SSBP2: variants seen among roughly 807,000 people sequenced by gnomAD.
SSBP2 encodes the protein single-stranded DNA-binding protein 2.
Under a neutral mutation model 61.8 loss-of-function variants are expected in SSBP2, and 17 were observed. The observed-to-expected ratio is 0.28, with a 90% CI of 0.19 to 0.41. The LOEUF (loss-of-function observed/expected upper bound fraction) is 0.41, where lower values mean the gene tolerates loss of function less well. Among genes scored for constraint, SSBP2 ranks in the 10% least tolerant of loss-of-function variants. SSBP2 has a pLI of 1.00. For synonymous variants in SSBP2, 139 were observed against 141.3 expected, an observed-to-expected ratio of 0.98 and a Z score of 0.12; for missense variants, 310 against 458.7, an observed-to-expected ratio of 0.68 and a Z score of 2.96.
chr5:81,667,330 C>CACAA (rs1751229307), intron 1 of SSBP2, among the ~76,000 whole-genome samples: 1 of 150,158 alleles, frequency 6.7e-6, no homozygotes, highest in African/African-American at 2.5e-5. Context: ...CACACACACA[C>CACAA]ACGCTCCAAC....
intron 4 of SSBP2, among the ~76,000 whole-genome samples, chr5:81,599,473 G>A (rs1174186393): frequency 6.6e-6 from 1 of 152,200 alleles, no homozygotes; most frequent in East Asian, 1.9e-4. Context: ...ATTCCTTGCA[G>A]CAATTTGCTT....
chr5:81,650,002 CTTGA>C (rs1178058307), intron 2 of SSBP2, among the ~76,000 whole-genome samples: 1 of 151,864 alleles, frequency 6.6e-6, no homozygotes, highest in African/African-American at 2.4e-5. Flanking sequence ...AATTTGCTTT[CTTGA>C]TTATTGTTGC....
chr5:81,414,264 T>C lies in SSBP2; in HGVS notation c.*6240A>G, dbSNP rs1761229423. ...TCCCACTTTAAAATTTTAATATCTATATATAGTACTGTATTTAATTTTTAA... is the reference window on the plus strand; with the variant it reads ...TCCCACTTTAAAATTTTAATATCTACATATAGTACTGTATTTAATTTTTAA... On this transcript the variant is annotated 3_prime_UTR_variant, in exon 17 of 17. Transcript: ENST00000320672. 6.6e-6 allele frequency: 1 copy of C among 152,112 alleles called. No individual in the cohort carries two copies. Among genetic ancestry groups the C allele is most frequent in the Non-Finnish European group, 1.5e-5 (1 of 68,004 alleles). 9.4% of individuals were successfully genotyped at this position (152,112 alleles called of 1,614,324 possible).
chr5:81,702,165 G>T (rs1029450315), intron 1 of SSBP2, among the ~76,000 whole-genome samples: 2 of 152,170 alleles, frequency 1.3e-5, no homozygotes, highest in African/African-American at 4.8e-5. Context: ...GAGGTCAGGA[G>T]ATCAAGACCA....
At chr5:81,433,967 G>A (rs893253267) in intron 15 of SSBP2, among the ~76,000 whole-genome samples, 2 of 152,212 alleles carry the variant, frequency 1.3e-5, no homozygotes, top group Admixed American at 1.3e-4. Flanking sequence ...TTTAGTGTCT[G>A]TATAGCACTT....
chr5:81,506,349 C>T (rs1467635388), intron 5 of SSBP2, among the ~76,000 whole-genome samples: 2 of 152,080 alleles, frequency 1.3e-5, no homozygotes, highest in African/African-American at 2.4e-5. Context: ...AATACTATTT[C>T]TAACGTCTGA....
At chr5:81,499,991 A>C (rs1172805384) in intron 5 of SSBP2, among the ~76,000 whole-genome samples, 2 of 152,218 alleles carry the variant, frequency 1.3e-5, no homozygotes, top group African/African-American at 4.8e-5. Flanking sequence ...TAGTCCTTTC[A>C]AATTCCCATG....
At chr5:81,679,272 G>T (rs1752214533) in intron 1 of SSBP2, among the ~76,000 whole-genome samples, 1 of 152,228 alleles carries the variant, frequency 6.6e-6, no homozygotes. Context: ...GCCTCCCAAA[G>T]TGCTGGGATT....
intron 10 of SSBP2, among the ~76,000 whole-genome samples, chr5:81,458,390 A>G (rs1193963387): frequency 6.6e-6 from 1 of 152,234 alleles, no homozygotes; most frequent in African/African-American, 2.4e-5. Context: ...ATAAAGTTTC[A>G]GGAAATTTAA....
At chr5:81,639,174 C>G (rs950013371) in intron 2 of SSBP2, among the ~76,000 whole-genome samples, 7 of 151,956 alleles carry the variant, frequency 4.6e-5, no homozygotes, top group African/African-American at 1.7e-4. Context: ...TAAATAAATT[C>G]GTGATTTGAG....
chr5:81,421,759 T>G (rs922467658), intron 16 of SSBP2, among the ~76,000 whole-genome samples: 1 of 152,210 alleles, frequency 6.6e-6, no homozygotes, highest in Non-Finnish European at 1.5e-5. Flanking sequence ...TTCAAAGACA[T>G]ACTTGTTCTG....
intron 4 of SSBP2, among the ~76,000 whole-genome samples, chr5:81,608,490 T>C (rs1561150): frequency 0.48 from 72,834 of 151,952 alleles, 18,285 homozygotes; most frequent in East Asian, 0.81. Context: ...CTATGGCAGA[T>C]GAAGCAAAAG....
At chr5:81,748,413 T>C (rs1757493325) in intron 1 of SSBP2, among the ~76,000 whole-genome samples, 2 of 152,192 alleles carry the variant, frequency 1.3e-5, no homozygotes, top group Admixed American at 6.5e-5. Flanking sequence ...CTTCAGATGT[T>C]AGTACATTGT....
At chr5:81,699,281 C>A (rs143662309) in intron 1 of SSBP2, among the ~76,000 whole-genome samples, 2,831 of 152,294 alleles carry the variant, frequency 0.019, 229 homozygotes, top group Admixed American at 0.15. Flanking sequence ...ATGAAGTCTG[C>A]TGCATTGATT....
intron 1 of SSBP2, among the ~76,000 whole-genome samples, chr5:81,723,736 T>C (rs1286386753): frequency 6.6e-6 from 1 of 152,016 alleles, no homozygotes; most frequent in Non-Finnish European, 1.5e-5. Context: ...ATAGATACTA[T>C]TGCCCCAGAC....
chr5:81,582,719 G>T (rs192388488), intron 4 of SSBP2, among the ~76,000 whole-genome samples: 2 of 151,966 alleles, frequency 1.3e-5, no homozygotes, highest in African/African-American at 4.8e-5. Flanking sequence ...TCTGCCTCCC[G>T]AGTAGCTGGG....
At chr5:81,695,066 G>C (rs1417724095) in intron 1 of SSBP2, among the ~76,000 whole-genome samples, 1 of 152,152 alleles carries the variant, frequency 6.6e-6, no homozygotes, top group Non-Finnish European at 1.5e-5. Flanking sequence ...TTCAATTACA[G>C]ATAATGTTCA....
chr5:81,510,547 A>G (rs115043469), intron 5 of SSBP2, among the ~76,000 whole-genome samples: 1,745 of 152,112 alleles, frequency 0.011, 37 homozygotes, highest in African/African-American at 0.04. Flanking sequence ...CAGATAATGA[A>G]GTCAGGAGTT....
chr5:81,675,432 G>T (rs532229435), intron 1 of SSBP2, among the ~76,000 whole-genome samples: 1 of 152,232 alleles, frequency 6.6e-6, no homozygotes, highest in South Asian at 2.1e-4. Flanking sequence ...GTGATGTCTA[G>T]AGTTTCAGCC....
Sources: gnomAD v4.1 joint callset for allele counts (sites outside exome capture counted in the v4.1 genomes callset) on GRCh38, gnomAD v4.1.1 for gene constraint, MANE v1.5 for transcripts, NCBI Gene and HGNC (gene_info 2026-07-23, HGNC 2026-07-21) for gene names.